Variants in MEGF11 observed in about 807,000 individuals in gnomAD.
MEGF11 encodes multiple epidermal growth factor-like domains protein 11.
Under a neutral mutation model 146.6 loss-of-function variants are expected in MEGF11, and 126 were observed. That is an observed-to-expected ratio of 0.86 (90% CI 0.74 to 1.00). MEGF11 has a LOEUF of 1.00. MEGF11 is among the 50% of genes least tolerant of loss of function. The probability of loss-of-function intolerance (pLI) is 0.00; values close to 1 mark genes in which losing one functional copy is unlikely to be tolerated. For missense variants in MEGF11, 1,509 were observed against 1,521.2 expected (o/e 0.99, Z 0.13); for synonymous variants, 532 against 583.4 (o/e 0.91, Z 1.27).
intron 3 of MEGF11, among the ~76,000 whole-genome samples, chr15:66,122,711 T>C (rs1445682842): frequency 6.6e-6 from 1 of 152,246 alleles, no homozygotes; most frequent in East Asian, 1.9e-4. Context: ...AAAGTAATTT[T>C]CACACTCCTG....
At chr15:66,107,702 G>C (rs1401181431) in intron 4 of MEGF11, among the ~76,000 whole-genome samples, 3 of 152,178 alleles carry the variant, frequency 2.0e-5, no homozygotes, top group African/African-American at 7.2e-5. Flanking sequence ...CCAGGGACCT[G>C]TCTGAAGCAG....
rs866579340 is a variant in MEGF11 at position 66,009,248 on chromosome 15, T to G, written c.395-26760A>C. 8.6e-3 allele frequency among the ~76,000 whole-genome samples: 1,296 copies of G among 150,324 alleles called. 19 individuals are homozygous for G. The highest frequency in any genetic ancestry group is 0.03 in the African/African-American group (1,200 of 40,562). ...GAGAACACGTTAACCTAAGTTTTTT[T>G]TTTTTTTTTTTTTTTTAAATAGCAC... On this transcript the variant is annotated intron_variant, in intron 5 of 25. Coordinates refer to ENST00000395614, the MANE Select transcript of MEGF11 (RefSeq NM_001385028.1).
intron 5 of MEGF11, among the ~76,000 whole-genome samples, chr15:66,075,745 A>G (rs1024776883): frequency 6.6e-6 from 1 of 152,250 alleles, no homozygotes; most frequent in African/African-American, 2.4e-5. Context: ...CTGAGCTCTC[A>G]GATATAGGAG....
In MEGF11 at chr15:65,982,620, C is replaced by T; in HGVS notation, c.395-132G>A. On this transcript the variant is annotated intron_variant, in intron 5 of 25. Coordinates refer to ENST00000395614, the MANE Select transcript of MEGF11 (RefSeq NM_001385028.1). The surrounding 1 kb of genome is among the most constrained non-coding windows in gnomAD (Gnocchi z 5.6). ...CCCGGACAGGTGGCAGCAAGGGGTG[C>T]CTGGAAGCTTTGGTGCCTCATAACC... 1 of 1,129,044 alleles carries T rather than the reference C, an allele frequency of 8.9e-7. No individual in the cohort carries two copies. The highest frequency in any genetic ancestry group is 1.2e-6 in the Non-Finnish European group (1 of 843,306). The allele number at this position is 1,129,044 out of a possible 1,614,324, so 69.9% of individuals were successfully genotyped here.
chr15:65,912,027 T>G (rs1268665399), intron 21 of MEGF11, 55 bp downstream of exon 21: 4 of 1,017,844 alleles, frequency 3.9e-6, no homozygotes, highest in Non-Finnish European at 3.8e-6. Context: ...TGGGCAGAGG[T>G]GAGGGTTAAA....
At chr15:66,197,587 T>A (rs889707061) in intron 1 of MEGF11, among the ~76,000 whole-genome samples, 1 of 152,164 alleles carries the variant, frequency 6.6e-6, no homozygotes, top group African/African-American at 2.4e-5. Context: ...CATGCCCGGC[T>A]AATTTTTTGT....
intron 5 of MEGF11, among the ~76,000 whole-genome samples, chr15:66,077,613 A>C (rs1021238695): frequency 7.2e-5 from 11 of 152,224 alleles, no homozygotes; most frequent in Non-Finnish European, 1.6e-4. Context: ...AGTACCTTCC[A>C]TGTGCCAGGC....
At chr15:66,191,903 G>C (rs1597144387) in intron 1 of MEGF11, among the ~76,000 whole-genome samples, 1 of 151,492 alleles carries the variant, frequency 6.6e-6, no homozygotes, top group Admixed American at 6.6e-5. Context: ...GTGAAACCCC[G>C]TATCTACTAA....
At chr15:66,035,761 C>G (rs146901345) in intron 5 of MEGF11, among the ~76,000 whole-genome samples, 57 of 152,348 alleles carry the variant, frequency 3.7e-4, no homozygotes, top group African/African-American at 1.3e-3. Flanking sequence ...ATGTGCTTCT[C>G]TTTTTCTTCT....
chr15:66,004,725 T>C (rs945517173), intron 5 of MEGF11, among the ~76,000 whole-genome samples: 25 of 151,998 alleles, frequency 1.6e-4, no homozygotes, highest in African/African-American at 5.6e-4. Context: ...GCACTCAATA[T>C]TGTGGGAGTG....
At chr15:66,252,566 C>A (rs1268039395) in intron 1 of MEGF11, among the ~76,000 whole-genome samples, 2 of 152,170 alleles carry the variant, frequency 1.3e-5, no homozygotes, top group African/African-American at 4.8e-5. Flanking sequence ...GAGTCCAGGT[C>A]CGGGAGAAGC....
intron 5 of MEGF11, among the ~76,000 whole-genome samples, chr15:65,984,934 A>C (rs573798309): frequency 6.6e-6 from 1 of 151,916 alleles, no homozygotes; most frequent in Non-Finnish European, 1.5e-5. Context: ...ACGCCTGGCT[A>C]ATTTTTGTAT....
intron 1 of MEGF11, among the ~76,000 whole-genome samples, chr15:66,143,531 C>A (rs1238852940): frequency 1.3e-5 from 2 of 152,344 alleles, no homozygotes; most frequent in East Asian, 3.9e-4. Context: ...CTCTCCCTGG[C>A]ACCTCCTTCA....
intron 1 of MEGF11, among the ~76,000 whole-genome samples, chr15:66,218,992 A>AAAAAAAAAAAAAAAAAAAAT (rs1163004634): frequency 6.6e-6 from 1 of 151,314 alleles, no homozygotes; most frequent in Non-Finnish European, 1.5e-5. Context: ...AAAAAAAAAA[A>AAAAAAAAAAAAAAAAAAAAT]AAAACCTTAA....
rs2079227234 is a variant in MEGF11, at chr15:65,922,931, C to A, written c.1714G>T (p.Gly572Cys). ...CDSTCPPGRW[G>C]PNCSVSCSCE... The stretch of plus-strand genomic sequence containing the variant: ...CTGCAGGAGACAGAGCAGTTGGGGC[C>A]CCAGCGGCCAGGTGGACACGTGCTG... The change falls in exon 14 of 26, where the codon GGC becomes TGC. Residue 572 changes from glycine (G) to cysteine (C), a missense_variant. Gly to Cys is a radical substitution (Grantham distance 159). Transcript: ENST00000395614. The A allele has an allele frequency of 6.2e-7, 1 of 1,613,240 alleles. No individual in the cohort carries two copies. The highest frequency in any genetic ancestry group is 8.5e-7 in the Non-Finnish European group (1 of 1,179,726).
Position 66,097,974 on chromosome 15 carries a change from G to C in MEGF11, c.302-3480C>G, listed in dbSNP as rs111930745. Among the ~76,000 whole-genome samples, 17 of 152,246 alleles carry C rather than the reference G, an allele frequency of 1.1e-4. 1 individual carries two copies. Among genetic ancestry groups the C allele is most frequent in the African/African-American group, 4.1e-4 (17 of 41,538 alleles). ...TGTCTGTCTGTGAAATGAAAGGGTT[G>C]GATGACAGGATCTAAATGTTCCCTC... On this transcript the variant is annotated intron_variant, in intron 4 of 25. Coordinates refer to ENST00000395614, the MANE Select transcript of MEGF11 (RefSeq NM_001385028.1).
chr15:66,144,095 T>C (rs1309399015), intron 1 of MEGF11, among the ~76,000 whole-genome samples: 1 of 152,142 alleles, frequency 6.6e-6, no homozygotes, highest in Middle Eastern at 3.2e-3. Flanking sequence ...GAACATCTCG[T>C]TCCTGCTCCC....
At chr15:65,955,771 T>TATATATATAG (rs1555455809) in intron 10 of MEGF11, among the ~76,000 whole-genome samples, 4 of 6,794 alleles carry the variant, frequency 5.9e-4, no homozygotes, top group South Asian at 0.014. Flanking sequence ...AATATATATA[T>TATATATATAG]ATATATATAT....
At chr15:66,030,606 C>T (rs1460633493) in intron 5 of MEGF11, among the ~76,000 whole-genome samples, 1 of 152,158 alleles carries the variant, frequency 6.6e-6, no homozygotes, top group Non-Finnish European at 1.5e-5. Context: ...GATGGGGTTT[C>T]ACCATGTTGG....
Sources: allele counts gnomAD v4.1 joint callset (sites outside exome capture counted in the v4.1 genomes callset), GRCh38; gene constraint gnomAD v4.1.1; non-coding constraint Gnocchi (gnomAD v3.1); transcripts MANE v1.5; gene names NCBI Gene and HGNC (gene_info 2026-07-23, HGNC 2026-07-21).